Variants in SYS1 observed in about 807,000 individuals in gnomAD.
SYS1 encodes SYS1 golgi trafficking protein.
A neutral mutation model predicts 17.8 loss-of-function variants in SYS1; 8 were observed. The observed-to-expected ratio is 0.45, with a 90% CI of 0.26 to 0.81. The LOEUF (loss-of-function observed/expected upper bound fraction) is 0.81, where lower values mean the gene tolerates loss of function less well. Among genes scored for constraint, SYS1 ranks in the 40% least tolerant of loss-of-function variants. SYS1 has a pLI of 0.16. For missense variants in SYS1, 161 were observed against 203.9 expected, an observed-to-expected ratio of 0.79 and a Z score of 1.28; for synonymous variants, 95 against 90.9, an observed-to-expected ratio of 1.05 and a Z score of -0.26.
downstream of SYS1, chr20:45,373,709 C>G (rs1297582577): frequency 6.9e-6 from 4 of 582,654 alleles, no homozygotes; most frequent in Non-Finnish European, 1.2e-5. Context: ...GAGACTAGCT[C>G]GCGGAGGTGG....
chr20:45,365,837 A>G, intron 3 of SYS1, 151 bp downstream of exon 3: 7 of 748,602 alleles, frequency 9.4e-6, no homozygotes, highest in Non-Finnish European at 1.7e-5. Context: ...CAGCTGTATA[A>G]TGGGCCTCCT....
Position 45,368,929 on chromosome 20 carries a change from AT to A in SYS1, c.*1819del. On this transcript the variant is annotated 3_prime_UTR_variant, in exon 4 of 4. Coordinates refer to ENST00000243918, the MANE Select transcript of SYS1 (RefSeq NM_033542.4). Reference sequence around the variant, plus strand: ...GGATTCACTTCAAGGTCTTGTGCCTATTTTTCTGCATATCTTCTGTGATGAC... The same window carrying A: ...GGATTCACTTCAAGGTCTTGTGCCTATTTTCTGCATATCTTCTGTGATGAC... 3.2e-6 allele frequency: 3 copies of A among 936,000 alleles called. No homozygotes were observed. Among genetic ancestry groups the A allele is most frequent in the Non-Finnish European group, 3.8e-6 (3 of 784,822 alleles). 58.0% of individuals were successfully genotyped at this position (936,000 alleles called of 1,614,324 possible). A position where few individuals can be genotyped will look rare whatever the true frequency, so the allele number is the denominator to read the frequency against.
In SYS1 at chr20:45,367,256, G is replaced by T; in HGVS notation, c.*141G>T. On this transcript the variant is annotated 3_prime_UTR_variant, in exon 4 of 4. Coordinates refer to ENST00000243918, the MANE Select transcript of SYS1 (RefSeq NM_033542.4). ...TCTGTTGGTTTGGGAGAGATAGTGA[G>T]GGCCTGTCAAAGAAGGCAGGTAGCA... 1 of 1,475,308 alleles carries T rather than the reference G, an allele frequency of 6.8e-7. No homozygotes were observed. The highest frequency in any genetic ancestry group is 9.0e-7 in the Non-Finnish European group (1 of 1,116,168). The allele number at this position is 1,475,308 out of a possible 1,614,324, so 91.4% of individuals were successfully genotyped here.
exon 4 of SYS1, chr20:45,375,632 G>T: frequency 6.6e-7 from 1 of 1,511,632 alleles, no homozygotes; most frequent in South Asian, 1.3e-5. Flanking sequence ...AGCCAGCTCA[G>T]GGGAGCCTGT....
chr20:45,367,038 G>A lies in SYS1; in HGVS notation c.394G>A (p.Val132Ile). 2 of 1,614,180 alleles carry A rather than the reference G, an allele frequency of 1.2e-6. No homozygotes were observed. Among genetic ancestry groups the A allele is most frequent in the Non-Finnish European group, 1.7e-6 (2 of 1,180,030 alleles). The change falls in exon 4 of 4, where the codon GTC becomes ATC. Residue 132 changes from valine to isoleucine, a missense_variant. Physicochemically the swap from Val to Ile is conservative, Grantham distance 29 (BLOSUM62 3). Coordinates refer to ENST00000243918, the MANE Select transcript of SYS1 (RefSeq NM_033542.4). ...VQAVCIALMA[V>I]IGEYLCMRTE... ...AGCCGTGTGCATTGCACTCATGGCT[G>A]TCATCGGGGAGTACCTGTGCATGCG...
chr20:45,374,375 G>T, exon 4 of SYS1: 1 of 640,198 alleles, frequency 1.6e-6, no homozygotes, highest in South Asian at 1.8e-5. Context: ...GGGCTTAAGC[G>T]ATCCTCCGAC....
chr20:45,363,344 C>T (rs1477686573), intron 1 of SYS1, 29 bp downstream of exon 1: 7 of 1,420,036 alleles, frequency 4.9e-6, no homozygotes, highest in Middle Eastern at 2.6e-4. Flanking sequence ...AGCTCGTGTA[C>T]GGGCGGGGGC....
At position 45,365,602 on chromosome 20, in the gene SYS1, T is replaced by C. The variant is rs201476177; in HGVS notation, c.163-17T>C. The C allele has an allele frequency of 1.1e-3, 1,838 of 1,613,694 alleles. 2 individuals carry two copies. Among genetic ancestry groups the C allele is most frequent in the Non-Finnish European group, 1.4e-3 (1,671 of 1,179,760 alleles). On this transcript the variant is annotated splice_polypyrimidine_tract_variant and intron_variant, in intron 2 of 3. Transcript: ENST00000243918. ...AGTCACTTCTCCAGTATATTTCCAT[T>C]TGTGATTCCCCCTCAGATCCTGGGC...
rs1568918983 is a variant in SYS1 at position 45,368,386 on chromosome 20, G to A, written c.*1271G>A. The A allele has an allele frequency of 6.1e-6, 6 of 985,268 alleles. No individual in the cohort carries two copies. The highest frequency in any genetic ancestry group is 6.2e-5 in the Admixed American group (1 of 16,252). 61.0% of individuals were successfully genotyped at this position (985,268 alleles called of 1,614,324 possible). A position where few individuals can be genotyped will look rare whatever the true frequency, so the allele number is the denominator to read the frequency against. ...GATTTCTGAACATGTTCAATGGAGC[G>A]GCACACAGTCTAGACCCACTTCCGC... On this transcript the variant is annotated 3_prime_UTR_variant, in exon 4 of 4. Transcript: ENST00000243918.
At chr20:45,362,242 T>C (rs1988245036), upstream of SYS1, among the ~76,000 whole-genome samples, 1 of 152,236 alleles carries the variant, frequency 6.6e-6, no homozygotes, top group African/African-American at 2.4e-5. Context: ...CTAATATAGT[T>C]CATCTGTGTC....
At chr20:45,374,727 CTG>C (rs1267515174) in exon 4 of SYS1, 12 of 455,816 alleles carry the variant, frequency 2.6e-5, no homozygotes, top group Middle Eastern at 5.7e-4. Context: ...AGGCCTCTGA[CTG>C]TGAGATTCAG....
downstream of SYS1, chr20:45,373,672 C>T (rs1988625437): frequency 3.5e-6 from 2 of 564,712 alleles, no homozygotes; most frequent in African/African-American, 3.7e-5. Flanking sequence ...ACACGAGCGC[C>T]CTGACTTCAC....
intron 2 of SYS1, 41 bp downstream of exon 2, chr20:45,363,734 C>T (rs1205500355): frequency 1.3e-6 from 2 of 1,536,974 alleles, no homozygotes; most frequent in Admixed American, 2.0e-5. Flanking sequence ...CTCGGCCTCC[C>T]CGAGTAGGCT....
At position 45,367,681 on chromosome 20, in the gene SYS1, G is replaced by A; in HGVS notation, c.*566G>A. 4.0e-6 allele frequency: 4 copies of A among 990,830 alleles called. No individual in the cohort carries two copies. The South Asian group carries it at 1.8e-4, about 45-fold the overall frequency. 61.4% of individuals were successfully genotyped at this position (990,830 alleles called of 1,614,324 possible). A position where few individuals can be genotyped will look rare whatever the true frequency, so the allele number is the denominator to read the frequency against. On this transcript the variant is annotated 3_prime_UTR_variant, in exon 4 of 4. Coordinates refer to ENST00000243918, the MANE Select transcript of SYS1 (RefSeq NM_033542.4). Reference sequence around the variant, plus strand: ...TGGCAGATGGAGGCATCAAGCACAAGGAAAATGCACAACCTGTGCCCTGTT... The same window carrying A: ...TGGCAGATGGAGGCATCAAGCACAAAGAAAATGCACAACCTGTGCCCTGTT...
exon 4 of SYS1, chr20:45,376,210 A>C (rs920290818): frequency 1.3e-5 from 2 of 152,256 alleles, no homozygotes; most frequent in African/African-American, 4.8e-5. Context: ...GGTGGCCTTG[A>C]CAGAAATATT....
chr20:45,376,468 C>G (rs1006817565), exon 4 of SYS1: 1 of 152,244 alleles, frequency 6.6e-6, no homozygotes, highest in Non-Finnish European at 1.5e-5. Context: ...GAGTGGCTTA[C>G]AGAGCACAGG....
intron 2 of SYS1, chr20:45,365,317 T>C: frequency 2.2e-6 from 1 of 453,338 alleles, no homozygotes; most frequent in Non-Finnish European, 4.1e-6. Context: ...CATAGTCAGC[T>C]GAACGCTGTT....
intron 1 of SYS1, 55 bp downstream of exon 1, chr20:45,363,370 G>A: frequency 7.0e-7 from 1 of 1,431,538 alleles, no homozygotes; most frequent in Non-Finnish European, 9.1e-7. Flanking sequence ...AGGCGGAATG[G>A]GCTGGATTTC....
At position 45,368,498 on chromosome 20, in the gene SYS1, T is replaced by C; in HGVS notation, c.*1383T>C. 1.2e-5 allele frequency: 12 copies of C among 985,330 alleles called. No individual in the cohort carries two copies. Among genetic ancestry groups the C allele is most frequent in the Non-Finnish European group, 1.4e-5 (12 of 829,908 alleles). The allele number at this position is 985,330 out of a possible 1,614,324, so 61.0% of individuals were successfully genotyped here. A position where few individuals can be genotyped will look rare whatever the true frequency, so the allele number is the denominator to read the frequency against. ...TTCAGCTGTCAGTAACACAAATGAG[T>C]TTATGGTAACACAAATGAGTTTTGC... is the stretch of plus-strand genomic sequence containing the variant. On this transcript the variant is annotated 3_prime_UTR_variant, in exon 4 of 4. Coordinates refer to ENST00000243918, the MANE Select transcript of SYS1 (RefSeq NM_033542.4).
Sources: gnomAD v4.1 joint callset for allele counts (sites outside exome capture counted in the v4.1 genomes callset) on GRCh38, gnomAD v4.1.1 for gene constraint, MANE v1.5 for transcripts, NCBI Gene and HGNC (gene_info 2026-07-23, HGNC 2026-07-21) for gene names.